Variants in NECAP1 observed in about 807,000 individuals in gnomAD.
NECAP1 encodes the protein adaptin ear-binding coat-associated protein 1.
In NECAP1, 13 loss-of-function variants were observed where a neutral mutation model predicts 33.4. That is an observed-to-expected ratio of 0.39 (90% CI 0.25 to 0.62). NECAP1 has a LOEUF of 0.62. Ranked by LOEUF, NECAP1 falls within the 20% of genes least tolerant of loss-of-function variation. The probability of loss-of-function intolerance (pLI) is 0.52; values close to 1 mark genes in which losing one functional copy is unlikely to be tolerated. For synonymous variants in NECAP1, 109 were observed against 125.2 expected, an observed-to-expected ratio of 0.87 and a Z score of 0.86; for missense variants, 272 against 347.4, an observed-to-expected ratio of 0.78 and a Z score of 1.73.
chr12:8,091,584 GGAGC>G, intron 3 of NECAP1, 181 bp from the exon 4 acceptor site: 1 of 594,140 alleles, frequency 1.7e-6, no homozygotes, highest in South Asian at 1.9e-5. Flanking sequence ...GACAGGAGGC[GGAGC>G]TCAGGTGGTC....
Position 8,092,863 on chromosome 12 carries a change from C to G in NECAP1, c.493-9C>G. The G allele has an allele frequency of 6.4e-7, 1 of 1,573,340 alleles. No individual in the cohort carries two copies. Among genetic ancestry groups the G allele is most frequent in the Non-Finnish European group, 8.6e-7 (1 of 1,159,936 alleles). On this transcript the variant is annotated splice_polypyrimidine_tract_variant and intron_variant, in intron 5 of 7. Coordinates refer to ENST00000339754, the MANE Select transcript of NECAP1 (RefSeq NM_015509.4). ...ATCTTTCTCTTGCTCTTCTTTTTTT[C>G]TTTTGTAGAACATTACAAACAAGAA...
intron 3 of NECAP1, chr12:8,091,555 C>A: frequency 1.8e-6 from 1 of 561,454 alleles, no homozygotes; most frequent in African/African-American, 1.9e-5. Flanking sequence ...CTCTGAGAAT[C>A]TAATGCTGCC....
chr12:8,091,389 C>T, intron 3 of NECAP1: 1 of 226,318 alleles, frequency 4.4e-6, no homozygotes, highest in South Asian at 6.5e-5. Flanking sequence ...TTATACAACT[C>T]ACTATAATGT....
chr12:8,082,443 T>A (rs1947448284), intron 1 of NECAP1, 60 bp downstream of exon 1: 6 of 1,465,494 alleles, frequency 4.1e-6, no homozygotes, highest in Non-Finnish European at 5.7e-6. Flanking sequence ...AGCTTCCTTC[T>A]CAGCTAGCAC....
chr12:8,097,402 C>G lies in NECAP1; in HGVS notation c.*1312C>G, dbSNP rs1019317986. ...ACCTATTGGGTATGTACACTCTGGC[C>G]GAAGGGAGTCCTTATGTTTAGTTTC... On this transcript the variant is annotated 3_prime_UTR_variant, in exon 8 of 8. Coordinates refer to ENST00000339754, the MANE Select transcript of NECAP1 (RefSeq NM_015509.4). 7 of 152,566 alleles carry G rather than the reference C, an allele frequency of 4.6e-5. No homozygotes were observed. The highest frequency in any genetic ancestry group is 3.3e-4 in the Admixed American group (5 of 15,266). The allele number at this position is 152,566 out of a possible 1,614,324, so 9.5% of individuals were successfully genotyped here. A position where few individuals can be genotyped will look rare whatever the true frequency, so the allele number is the denominator to read the frequency against.
chr12:8,083,421 C>CTTTTTTTTTTTTTTTTTTTT (rs71042328), intron 1 of NECAP1, among the ~76,000 whole-genome samples: 1 of 65,840 alleles, frequency 1.5e-5, no homozygotes, highest in Non-Finnish European at 2.6e-5. Flanking sequence ...TTTGTTTGTT[C>CTTTTTTTTTTTTTTTTTTTT]TTTTTTTTTT....
At chr12:8,089,607 C>A (rs1003339915) in intron 1 of NECAP1, 1 of 224,960 alleles carries the variant, frequency 4.4e-6, no homozygotes, top group African/African-American at 2.3e-5. Flanking sequence ...GTGATCCACC[C>A]ACCTTGGCCT....
intron 1 of NECAP1, among the ~76,000 whole-genome samples, chr12:8,083,730 T>A (rs1217309119): frequency 2.2e-4 from 5 of 23,180 alleles, no homozygotes; most frequent in African/African-American, 5.9e-4. Flanking sequence ...CCAGCCGTCG[T>A]TTTTTTTTTT....
chr12:8,087,879 T>C (rs1051323588), intron 1 of NECAP1, among the ~76,000 whole-genome samples: 1 of 152,204 alleles, frequency 6.6e-6, no homozygotes, highest in African/African-American at 2.4e-5. Flanking sequence ...ACAGATCCTG[T>C]TCAAAACCTG....
intron 1 of NECAP1, among the ~76,000 whole-genome samples, chr12:8,085,058 T>C (rs1372518393): frequency 6.6e-6 from 1 of 152,136 alleles, no homozygotes; most frequent in Non-Finnish European, 1.5e-5. Flanking sequence ...CTGGCTGTGT[T>C]GCCCAGGCTG....
At chr12:8,093,714 C>CCTT (rs1029730582) in intron 6 of NECAP1, 11 of 151,900 alleles carry the variant, frequency 7.2e-5, no homozygotes, top group African/African-American at 2.7e-4. Context: ...CAGAGTGGGA[C>CCTT]CTTGTCTCAT....
chr12:8,085,212 G>T (rs1321299856), intron 1 of NECAP1, among the ~76,000 whole-genome samples: 1 of 152,154 alleles, frequency 6.6e-6, no homozygotes, highest in African/African-American at 2.4e-5. Flanking sequence ...TAGAGACGGG[G>T]TTTCACTGTG....
At chr12:8,083,931 A>G (rs1395435594) in intron 1 of NECAP1, among the ~76,000 whole-genome samples, 2 of 151,680 alleles carry the variant, frequency 1.3e-5, no homozygotes, top group African/African-American at 2.4e-5. Context: ...TTGTGTAGAC[A>G]GGATCTTGAT....
chr12:8,090,373 G>T, intron 3 of NECAP1, 74 bp downstream of exon 3: 4 of 1,284,060 alleles, frequency 3.1e-6, no homozygotes, highest in Non-Finnish European at 3.4e-6. Flanking sequence ...AAGTGTTTCC[G>T]ATTGCATTTA....
chr12:8,096,027 TCTC>T lies in NECAP1; in HGVS notation c.780-12_780-10del, dbSNP rs762477119. ...ATATTATGTCTCTGGCTTTCTCTGT[TCTC>T]CTGTCTTGCAGCTCTGTTCCAAACC... On this transcript the variant is annotated splice_polypyrimidine_tract_variant and intron_variant, in intron 7 of 7. Coordinates refer to ENST00000339754, the MANE Select transcript of NECAP1 (RefSeq NM_015509.4). 78 of 1,613,908 alleles carry T rather than the reference TCTC, an allele frequency of 4.8e-5. No individual in the cohort carries two copies. The highest frequency in any genetic ancestry group is 6.2e-5 in the Non-Finnish European group (73 of 1,179,920).
At chr12:8,089,909 C>T (rs2120475625) in intron 1 of NECAP1, 27 bp from the exon 2 acceptor site, 1 of 1,559,784 alleles carries the variant, frequency 6.4e-7, no homozygotes. Context: ...GGACATGTGC[C>T]TGAGGCTTCC....
intron 1 of NECAP1, among the ~76,000 whole-genome samples, chr12:8,088,254 C>G (rs1438592801): frequency 2.6e-5 from 4 of 152,146 alleles, no homozygotes; most frequent in Non-Finnish European, 5.9e-5. Context: ...TCTTGAAAAT[C>G]TACTAGACAT....
chr12:8,083,568 T>C (rs1402941481), intron 1 of NECAP1, among the ~76,000 whole-genome samples: 1 of 151,628 alleles, frequency 6.6e-6, no homozygotes, highest in Non-Finnish European at 1.5e-5. Flanking sequence ...TAGTTGGGAT[T>C]ACACGCATGC....
At chr12:8,094,208 A>ATC (rs562182801) in intron 6 of NECAP1, among the ~76,000 whole-genome samples, 49 of 152,320 alleles carry the variant, frequency 3.2e-4, no homozygotes, top group Non-Finnish European at 6.0e-4. Context: ...TGGGGATAGT[A>ATC]TCTAAGATTT....
Sources: allele counts gnomAD v4.1 joint callset (sites outside exome capture counted in the v4.1 genomes callset), GRCh38; gene constraint gnomAD v4.1.1; transcripts MANE v1.5; gene names NCBI Gene and HGNC (gene_info 2026-07-23, HGNC 2026-07-21).